DPP10: variants seen among roughly 807,000 people sequenced by gnomAD.
DPP10 encodes the protein inactive dipeptidyl peptidase 10.
In DPP10, 33 loss-of-function variants were observed where a neutral mutation model predicts 120.9. The observed-to-expected ratio is 0.27, with a 90% CI of 0.21 to 0.37. The LOEUF (loss-of-function observed/expected upper bound fraction) is 0.37. DPP10 is among the 10% of genes least tolerant of loss of function. DPP10 has a pLI of 1.00. For synonymous variants in DPP10, 337 were observed against 326.1 expected, an observed-to-expected ratio of 1.03 and a Z score of -0.36; for missense variants, 816 against 942.8, an observed-to-expected ratio of 0.87 and a Z score of 1.76.
At chr2:115,201,692 A>G (rs931729351) in intron 1 of DPP10, among the ~76,000 whole-genome samples, 5 of 152,184 alleles carry the variant, frequency 3.3e-5, no homozygotes, top group Admixed American at 2.6e-4. Flanking sequence ...CTCAAGTTAT[A>G]TGGAAATCCT....
chr2:114,752,529 G>T (rs1040040065), intron 1 of DPP10, among the ~76,000 whole-genome samples: 1 of 152,180 alleles, frequency 6.6e-6, no homozygotes, highest in Non-Finnish European at 1.5e-5. Flanking sequence ...GCCTATAGCT[G>T]TACAGTAAAG....
intron 1 of DPP10, among the ~76,000 whole-genome samples, chr2:114,752,430 CAG>C (rs1258172230): frequency 7.9e-5 from 12 of 152,234 alleles, no homozygotes; most frequent in Non-Finnish European, 1.3e-4. Context: ...CCCAACTACT[CAG>C]ATTAGAGCCT....
At chr2:114,767,359 T>C (rs955919385) in intron 1 of DPP10, among the ~76,000 whole-genome samples, 2 of 149,440 alleles carry the variant, frequency 1.3e-5, no homozygotes, top group Non-Finnish European at 3.0e-5. Context: ...ACACGAATGA[T>C]AGAATAAAAA....
At chr2:115,411,558 C>A (rs2068959749) in intron 3 of DPP10, among the ~76,000 whole-genome samples, 1 of 152,130 alleles carries the variant, frequency 6.6e-6, no homozygotes, top group African/African-American at 2.4e-5. Context: ...TAAAGAAGTT[C>A]TTTTATGAGA....
At chr2:114,963,383 A>G (rs1698786930) in intron 1 of DPP10, among the ~76,000 whole-genome samples, 1 of 152,238 alleles carries the variant, frequency 6.6e-6, no homozygotes, top group South Asian at 2.1e-4. Context: ...TCATATGTCA[A>G]AGGAAAAAAA....
At chr2:115,202,573 T>G (rs1411685149) in intron 1 of DPP10, among the ~76,000 whole-genome samples, 1 of 152,230 alleles carries the variant, frequency 6.6e-6, no homozygotes, top group East Asian at 1.9e-4. Flanking sequence ...TTTTAATGTG[T>G]TTCATAATTT....
intron 1 of DPP10, among the ~76,000 whole-genome samples, chr2:114,694,673 C>T (rs552385186): frequency 6.6e-6 from 1 of 152,002 alleles, no homozygotes; most frequent in East Asian, 1.9e-4. Context: ...AACACATGTT[C>T]ATGGAAGACA....
intron 1 of DPP10, among the ~76,000 whole-genome samples, chr2:114,670,967 A>T (rs1698297307): frequency 1.3e-5 from 2 of 152,136 alleles, no homozygotes; most frequent in African/African-American, 4.8e-5. Flanking sequence ...AACATATTAT[A>T]GAGCTAGTAA....
intron 1 of DPP10, among the ~76,000 whole-genome samples, chr2:114,734,572 C>G (rs574306557): frequency 5.3e-5 from 8 of 152,334 alleles, no homozygotes; most frequent in African/African-American, 9.6e-5. Context: ...AAACTGTGCT[C>G]TGACCACCTT....
At chr2:115,249,486 GAAGTT>G (rs887030667) in intron 1 of DPP10, among the ~76,000 whole-genome samples, 59 of 152,212 alleles carry the variant, frequency 3.9e-4, no homozygotes, top group African/African-American at 1.4e-3. Context: ...TTTTATGAAA[GAAGTT>G]AAGAGAAATG....
chr2:114,787,725 T>C (rs1383445796), intron 1 of DPP10, among the ~76,000 whole-genome samples: 2 of 152,222 alleles, frequency 1.3e-5, no homozygotes, highest in African/African-American at 2.4e-5. Context: ...CTACTTAGCA[T>C]GCACACCACA....
chr2:115,083,112 T>C (rs1254439930), intron 1 of DPP10, among the ~76,000 whole-genome samples: 2 of 152,162 alleles, frequency 1.3e-5, no homozygotes, highest in Non-Finnish European at 2.9e-5. Flanking sequence ...TTCTGTACTA[T>C]TCATTCTTCA....
chr2:115,793,231 T>G (rs1442707443), intron 19 of DPP10, among the ~76,000 whole-genome samples: 3 of 152,140 alleles, frequency 2.0e-5, no homozygotes, highest in African/African-American at 4.8e-5. Context: ...CAGGTAGGAC[T>G]GGGTTCAAGT....
chr2:115,327,217 T>C (rs558816501), intron 2 of DPP10, among the ~76,000 whole-genome samples: 2 of 152,236 alleles, frequency 1.3e-5, no homozygotes, highest in South Asian at 2.1e-4. Flanking sequence ...CTGTATCTTA[T>C]AGCATAGATA....
At chr2:115,338,776 A>G (rs1174592930) in intron 2 of DPP10, among the ~76,000 whole-genome samples, 6 of 152,230 alleles carry the variant, frequency 3.9e-5, no homozygotes, top group Non-Finnish European at 5.9e-5. Flanking sequence ...GCCTCATGCC[A>G]TGTGTGAAGA....
chr2:115,410,597 G>A (rs1191948007), intron 3 of DPP10, among the ~76,000 whole-genome samples: 1 of 152,140 alleles, frequency 6.6e-6, no homozygotes, highest in Non-Finnish European at 1.5e-5. Context: ...TAACAAACCT[G>A]CACATGCACC....
chr2:114,876,698 G>C (rs909510104), intron 1 of DPP10, among the ~76,000 whole-genome samples: 8 of 151,974 alleles, frequency 5.3e-5, no homozygotes, highest in African/African-American at 1.4e-4. Context: ...CCACAGGAAA[G>C]TCCAACTAAC....
At chr2:114,525,425 A>G (rs1685420453) in intron 1 of DPP10, among the ~76,000 whole-genome samples, 1 of 152,214 alleles carries the variant, frequency 6.6e-6, no homozygotes, top group South Asian at 2.1e-4. Context: ...CACATGTGTT[A>G]AAAGTGTAGT....
At chr2:114,811,942 G>GA (rs1380071720) in intron 1 of DPP10, among the ~76,000 whole-genome samples, 1 of 152,182 alleles carries the variant, frequency 6.6e-6, no homozygotes, top group African/African-American at 2.4e-5. Context: ...CGGAGACCTT[G>GA]TATCTCTGCT....
Sources: gnomAD v4.1 joint callset for allele counts (sites outside exome capture counted in the v4.1 genomes callset) on GRCh38, gnomAD v4.1.1 for gene constraint, MANE v1.5 for transcripts, NCBI Gene and HGNC (gene_info 2026-07-23, HGNC 2026-07-21) for gene names.